BMPR1B: variants seen among roughly 807,000 people sequenced by gnomAD.
BMPR1B encodes the protein bone morphogenetic protein receptor type 1B, also known as bone morphogenetic protein receptor type-1B.
BMPR1B carries 12 observed loss-of-function variants against 59.1 expected under a neutral mutation model. The observed-to-expected ratio is 0.20, with a 90% CI of 0.13 to 0.33. The LOEUF (loss-of-function observed/expected upper bound fraction) is 0.33. Among genes scored for constraint, BMPR1B ranks in the 10% least tolerant of loss-of-function variants. The pLI is 1.00. For missense variants in BMPR1B, 550 were observed against 610.9 expected, an observed-to-expected ratio of 0.90 and a Z score of 1.05; for synonymous variants, 237 against 207.3, an observed-to-expected ratio of 1.14 and a Z score of -1.23.
intron 3 of BMPR1B, among the ~76,000 whole-genome samples, chr4:95,054,171 A>G (rs545467487): frequency 6.6e-6 from 1 of 152,200 alleles, no homozygotes; most frequent in South Asian, 2.1e-4. Flanking sequence ...ATGGAAACCT[A>G]AAAGATTTAT....
At chr4:95,032,026 T>A (rs145853654) in intron 3 of BMPR1B, among the ~76,000 whole-genome samples, 206 of 152,328 alleles carry the variant, frequency 1.4e-3, no homozygotes, top group African/African-American at 4.9e-3. Context: ...AGCCAGTCTC[T>A]GGAGCTCTTT....
intron 1 of BMPR1B, among the ~76,000 whole-genome samples, chr4:94,869,337 G>C (rs530938716): frequency 6.6e-6 from 1 of 152,142 alleles, no homozygotes; most frequent in African/African-American, 2.4e-5. Context: ...ATTTTACTAA[G>C]CACCAGAAGA....
intron 3 of BMPR1B, among the ~76,000 whole-genome samples, chr4:95,033,035 T>C (rs887918090): frequency 1.1e-4 from 17 of 152,144 alleles, no homozygotes; most frequent in African/African-American, 3.9e-4. Context: ...TAGTATCTCA[T>C]TGTGGTTTTG....
intron 6 of BMPR1B, among the ~76,000 whole-genome samples, chr4:95,122,250 C>T (rs929155206): frequency 6.6e-6 from 1 of 151,804 alleles, no homozygotes. Flanking sequence ...GGCACAGAAT[C>T]GCTTGAACCC....
At chr4:94,885,329 G>A (rs368304667) in intron 2 of BMPR1B, among the ~76,000 whole-genome samples, 4 of 152,334 alleles carry the variant, frequency 2.6e-5, no homozygotes, top group African/African-American at 9.6e-5. Flanking sequence ...AAAGGAGCAA[G>A]TTGAAGATGT....
At chr4:95,109,502 G>A (rs1239335871) in intron 4 of BMPR1B, among the ~76,000 whole-genome samples, 1 of 152,034 alleles carries the variant, frequency 6.6e-6, no homozygotes, top group African/African-American at 2.4e-5. Flanking sequence ...GAGGATTTAA[G>A]CGTGCATTGT....
intron 6 of BMPR1B, among the ~76,000 whole-genome samples, chr4:95,120,935 A>G (rs1732476602): frequency 6.6e-6 from 1 of 152,088 alleles, no homozygotes; most frequent in Non-Finnish European, 1.5e-5. Flanking sequence ...CAGCCTCCTC[A>G]GTAGCTGGGA....
intron 1 of BMPR1B, among the ~76,000 whole-genome samples, chr4:94,760,163 A>T (rs897372313): frequency 3.3e-5 from 5 of 152,110 alleles, no homozygotes; most frequent in Non-Finnish European, 7.4e-5. Context: ...ATCTTGATTT[A>T]TGTCATGTTA....
chr4:94,808,653 A>G (rs1207719298), intron 1 of BMPR1B, among the ~76,000 whole-genome samples: 1 of 152,182 alleles, frequency 6.6e-6, no homozygotes, highest in Non-Finnish European at 1.5e-5. Context: ...TAGAATCTGA[A>G]AGGATTATGC....
intron 10 of BMPR1B, among the ~76,000 whole-genome samples, chr4:95,134,137 C>G (rs1347026330): frequency 1.3e-5 from 2 of 152,090 alleles, no homozygotes; most frequent in Non-Finnish European, 2.9e-5. Context: ...GTTTTCTGTC[C>G]TTGCGATAGT....
At chr4:95,065,770 A>G (rs1727752455) in intron 3 of BMPR1B, among the ~76,000 whole-genome samples, 1 of 152,172 alleles carries the variant, frequency 6.6e-6, no homozygotes. Context: ...TCAAGAAAAT[A>G]TCTTCTACAA....
At chr4:94,784,921 T>G (rs1411480344) in intron 1 of BMPR1B, among the ~76,000 whole-genome samples, 1 of 152,162 alleles carries the variant, frequency 6.6e-6, no homozygotes, top group Non-Finnish European at 1.5e-5. Context: ...CATAACAAAT[T>G]CAAGGCATGA....
At chr4:95,048,452 T>C (rs560492007) in intron 3 of BMPR1B, among the ~76,000 whole-genome samples, 72 of 152,220 alleles carry the variant, frequency 4.7e-4, no homozygotes, top group Non-Finnish European at 9.7e-4. Flanking sequence ...CTCCACAGCC[T>C]TGCCAGCATT....
intron 1 of BMPR1B, among the ~76,000 whole-genome samples, chr4:94,837,736 T>C (rs960261491): frequency 1.4e-5 from 2 of 138,554 alleles, no homozygotes; most frequent in African/African-American, 5.5e-5. Context: ...TTTTCCTAAT[T>C]GAATACCCTT....
chr4:94,922,627 T>G (rs183234655), intron 2 of BMPR1B, among the ~76,000 whole-genome samples: 1 of 152,196 alleles, frequency 6.6e-6, no homozygotes, highest in Admixed American at 6.6e-5. Context: ...AGAAACTTTA[T>G]CTCAATTATG....
chr4:95,063,373 T>G (rs571288174), intron 3 of BMPR1B, among the ~76,000 whole-genome samples: 1 of 152,276 alleles, frequency 6.6e-6, no homozygotes, highest in South Asian at 2.1e-4. Context: ...ACTTATGGTT[T>G]TACAGTTTTT....
At chr4:95,072,162 G>A (rs534934783) in intron 3 of BMPR1B, among the ~76,000 whole-genome samples, 5 of 152,136 alleles carry the variant, frequency 3.3e-5, no homozygotes, top group Non-Finnish European at 7.4e-5. Flanking sequence ...GTCAGGCGGG[G>A]CTCTCTTACT....
At chr4:94,996,859 A>C (rs1172826285) in intron 3 of BMPR1B, among the ~76,000 whole-genome samples, 1 of 152,216 alleles carries the variant, frequency 6.6e-6, no homozygotes, top group Non-Finnish European at 1.5e-5. Flanking sequence ...TCCTGTCATC[A>C]CAGGTAGCAC....
intron 6 of BMPR1B, among the ~76,000 whole-genome samples, chr4:95,116,621 C>CTTT (rs945802587): frequency 7.0e-6 from 1 of 143,002 alleles, no homozygotes; most frequent in African/African-American, 2.5e-5. Context: ...CTCTCTCTCT[C>CTTT]TTTTTTTTTT....
Sources: allele counts gnomAD v4.1 joint callset (sites outside exome capture counted in the v4.1 genomes callset), GRCh38; gene constraint gnomAD v4.1.1; transcripts MANE v1.5; gene names NCBI Gene and HGNC (gene_info 2026-07-23, HGNC 2026-07-21).